Variants in HHAT observed in about 807,000 individuals in gnomAD.
HHAT encodes the protein hedgehog acyltransferase.
In HHAT, 47 loss-of-function variants were observed where a neutral mutation model predicts 70.8. The observed-to-expected ratio is 0.66, with a 90% confidence interval of 0.53 to 0.85. HHAT has a LOEUF of 0.85. HHAT is among the 40% of genes least tolerant of loss of function. The pLI is 0.00. For missense variants in HHAT, 609 were observed against 604.8 expected (o/e 1.01, Z -0.07); for synonymous variants, 228 against 247.6 (o/e 0.92, Z 0.74).
intron 3 of HHAT, among the ~76,000 whole-genome samples, chr1:210,375,468 TTTTTCATC>T (rs2090115127): frequency 6.6e-6 from 1 of 152,162 alleles, no homozygotes; most frequent in African/African-American, 2.4e-5. Context: ...TGCCATATCC[TTTTTCATC>T]TTTTAACTTT....
intron 2 of HHAT, among the ~76,000 whole-genome samples, chr1:210,362,234 T>C (rs1428127845): frequency 4.4e-5 from 4 of 90,894 alleles, no homozygotes; most frequent in African/African-American, 7.8e-5. Context: ...GTGTCAAAAT[T>C]TCTTTTTTTT....
At chr1:210,597,409 C>T (rs1043645296) in intron 10 of HHAT, among the ~76,000 whole-genome samples, 4 of 152,186 alleles carry the variant, frequency 2.6e-5, no homozygotes, top group African/African-American at 4.8e-5. Flanking sequence ...GTATCCTTCC[C>T]TTCAGGGTTA....
At chr1:210,511,998 A>C (rs1049625181) in intron 8 of HHAT, among the ~76,000 whole-genome samples, 2 of 152,076 alleles carry the variant, frequency 1.3e-5, no homozygotes, top group Non-Finnish European at 2.9e-5. Flanking sequence ...CTACATGATC[A>C]GAGGTTCAGG....
intron 8 of HHAT, among the ~76,000 whole-genome samples, chr1:210,502,538 T>C (rs1337922922): frequency 6.6e-6 from 1 of 152,190 alleles, no homozygotes; most frequent in African/African-American, 2.4e-5. Flanking sequence ...AGGTCCCTTA[T>C]TGGCCGCATA....
Position 210,580,119 on chromosome 1 carries a change from C to T in HHAT, c.1044-7779C>T, listed in dbSNP as rs550869870. On this transcript the variant is annotated intron_variant, in intron 9 of 11. Transcript: ENST00000261458. ...CATAGAATTTTTAATAGATAATTTT[C>T]AGAATTGCATATGAAGCTTATGTAC... Among the ~76,000 whole-genome samples, 4 of 152,202 alleles carry T rather than the reference C, an allele frequency of 2.6e-5. No homozygotes were observed. The East Asian group carries it at 5.8e-4, about 22-fold the overall frequency.
chr1:210,434,977 C>G (rs1382204414), intron 7 of HHAT, among the ~76,000 whole-genome samples: 2 of 151,740 alleles, frequency 1.3e-5, no homozygotes, highest in Admixed American at 1.3e-4. Context: ...TTTTTAAATA[C>G]TAGGAACATT....
rs146934768 is a variant in HHAT, at chr1:210,531,950, C to G, written c.1043+18762C>G. ...ACAGGTGATGATTCCTGGGTACTTG[C>G]AAGCAACATGTGATCCCAGGGGGAA... On this transcript the variant is annotated intron_variant, in intron 9 of 11. Coordinates refer to ENST00000261458, the MANE Select transcript of HHAT (RefSeq NM_018194.6). Among the ~76,000 whole-genome samples the G allele has an allele frequency of 3.5e-4, 54 of 152,284 alleles. 1 individual carries two copies. In the East Asian group the frequency reaches 0.01, roughly 28 times the overall value.
chr1:210,464,014 A>C (rs1206133258), intron 7 of HHAT, among the ~76,000 whole-genome samples: 1 of 152,234 alleles, frequency 6.6e-6, no homozygotes, highest in Admixed American at 6.5e-5. Flanking sequence ...TAAATAGGGT[A>C]TCTGATACCT....
chr1:210,462,074 C>G (rs1010196788), intron 7 of HHAT, among the ~76,000 whole-genome samples: 1 of 152,138 alleles, frequency 6.6e-6, no homozygotes, highest in Non-Finnish European at 1.5e-5. Context: ...AATGTAGACT[C>G]AGCCATAGAT....
intron 6 of HHAT, among the ~76,000 whole-genome samples, chr1:210,409,407 G>A (rs889711774): frequency 8.5e-5 from 13 of 152,318 alleles, no homozygotes; most frequent in African/African-American, 3.1e-4. Flanking sequence ...CTTGGTGGCA[G>A]CAACACCTGC....
At chr1:210,420,667 TA>T (rs749490886) in intron 7 of HHAT, among the ~76,000 whole-genome samples, 1 of 134,620 alleles carries the variant, frequency 7.4e-6, no homozygotes, top group Non-Finnish European at 1.7e-5. Context: ...TAATAAAATT[TA>T]AAAAAACAAA....
chr1:210,412,091 G>C (rs183016008), intron 6 of HHAT, among the ~76,000 whole-genome samples: 1 of 152,068 alleles, frequency 6.6e-6, no homozygotes. Context: ...GTGGTGGAAG[G>C]GGTCTAACTC....
In HHAT at chr1:210,404,504, A is replaced by G; in HGVS notation, c.509A>G (p.Gln170Arg). 6.2e-7 allele frequency: 1 copy of G among 1,613,152 alleles called. No homozygotes were observed. Among genetic ancestry groups the G allele is most frequent in the Non-Finnish European group, 8.5e-7 (1 of 1,179,916 alleles). ...ACAGAAAACGAGTACTACCTGCTGC[A>G]GTTCACGCTGACCGTTCGCTGCCTG... is the stretch of plus-strand genomic sequence containing the variant. ...YKTENEYYLL[Q>R]FTLTVRCLYY... The change falls in exon 6 of 12, where the codon CAG becomes CGG. Residue 170 changes from glutamine (Q) to arginine (R), a missense_variant. Gln to Arg is a conservative substitution (Grantham distance 43). Coordinates refer to ENST00000261458, the MANE Select transcript of HHAT (RefSeq NM_018194.6).
At chr1:210,620,839 CT>C (rs776982063) in intron 10 of HHAT, among the ~76,000 whole-genome samples, 15 of 151,220 alleles carry the variant, frequency 9.9e-5, no homozygotes, top group African/African-American at 1.9e-4. Context: ...GTTGCCCCCC[CT>C]CTCCTTCCTA....
intron 7 of HHAT, among the ~76,000 whole-genome samples, chr1:210,431,040 A>G (rs1183635659): frequency 6.6e-6 from 1 of 151,720 alleles, no homozygotes; most frequent in Non-Finnish European, 1.5e-5. Flanking sequence ...ATATTTTGGG[A>G]TGTTTGATTG....
At chr1:210,520,448 CT>C in intron 9 of HHAT, among the ~76,000 whole-genome samples, 1 of 152,180 alleles carries the variant, frequency 6.6e-6, no homozygotes, top group East Asian at 1.9e-4. Flanking sequence ...TTTCCTCTCA[CT>C]TTTTTTCGCT....
In HHAT at chr1:210,576,863, T is replaced by A. The variant is rs1046559792; in HGVS notation, c.1044-11035T>A. The stretch of plus-strand genomic sequence containing the variant: ...TTTACTTTCTTTCATCAATGTTTTA[T>A]GGTTTTCAATGTACAAATCTTTGGC... On this transcript the variant is annotated intron_variant, in intron 9 of 11. Coordinates refer to ENST00000261458, the MANE Select transcript of HHAT (RefSeq NM_018194.6). 9.8e-5 allele frequency among the ~76,000 whole-genome samples: 15 copies of A among 152,328 alleles called. 1 individual carries two copies. Among genetic ancestry groups the A allele is most frequent in the Admixed American group, 8.5e-4 (13 of 15,296 alleles).
At chr1:210,504,902 CT>C (rs71571952) in intron 8 of HHAT, among the ~76,000 whole-genome samples, 12,988 of 123,954 alleles carry the variant, frequency 0.1, 517 homozygotes, top group Middle Eastern at 0.13. Context: ...GCTTTTTATT[CT>C]TTTTTTTTTT....
intron 2 of HHAT, among the ~76,000 whole-genome samples, chr1:210,357,793 C>A (rs34664826): frequency 0.1 from 15,513 of 152,198 alleles, 1,029 homozygotes; most frequent in Non-Finnish European, 0.15. Flanking sequence ...GCACTCCAGC[C>A]TGGGCGACAG....
Sources: gnomAD v4.1 joint callset for allele counts (sites outside exome capture counted in the v4.1 genomes callset) on GRCh38, gnomAD v4.1.1 for gene constraint, MANE v1.5 for transcripts, NCBI Gene and HGNC (gene_info 2026-07-23, HGNC 2026-07-21) for gene names.